The following ADAD1 variants were observed in gnomAD, a reference collection of about 807,000 sequenced individuals.
ADAD1 encodes the protein adenosine deaminase domain containing 1, also known as adenosine deaminase domain-containing protein 1.
In ADAD1, 46 loss-of-function variants were observed where a neutral mutation model predicts 66.8. That is an observed-to-expected ratio of 0.69 (90% CI 0.54 to 0.88). The LOEUF is 0.88. Ranked by LOEUF, ADAD1 falls within the 40% of genes least tolerant of loss-of-function variation. ADAD1 has a pLI of 0.00. For missense variants in ADAD1, 617 were observed against 681.8 expected (o/e 0.91, Z 1.06); for synonymous variants, 248 against 229.4 (o/e 1.08, Z -0.73).
rs753067759 is a variant in ADAD1, at chr4:122,412,671, T to C, written c.1111T>C (p.Tyr371His). ...AVEGKIYLTVYCPKDGVNRIS... is the reference protein window; with the variant it reads ...AVEGKIYLTVHCPKDGVNRIS... ...TGAAGGCAAAATTTATCTGACTGTT[T>C]ACTGTCCTAAAGATGGTGTTAATAG... The change falls in exon 10 of 13, where the codon TAC becomes CAC. Residue 371 changes from tyrosine (Y) to histidine (H), a missense_variant. Coordinates refer to ENST00000296513, the MANE Select transcript of ADAD1 (RefSeq NM_139243.4). 1.1e-5 allele frequency: 18 copies of C among 1,613,944 alleles called. No homozygotes were observed. In the South Asian group the frequency reaches 1.8e-4, roughly 16 times the overall value.
intron 12 of ADAD1, among the ~76,000 whole-genome samples, chr4:122,424,055 A>G (rs1330341200): frequency 6.6e-6 from 1 of 152,242 alleles, no homozygotes; most frequent in African/African-American, 2.4e-5. Flanking sequence ...AAAGGGCAGT[A>G]TAATGGCAGG....
At chr4:122,386,662 G>GT (rs1161449268) in intron 5 of ADAD1, among the ~76,000 whole-genome samples, 41 of 152,290 alleles carry the variant, frequency 2.7e-4, no homozygotes, top group African/African-American at 8.4e-4. Flanking sequence ...GGATTTTATG[G>GT]TTTTGGATTT....
At chr4:122,403,700 C>A (rs1796077825) in intron 7 of ADAD1, among the ~76,000 whole-genome samples, 1 of 152,094 alleles carries the variant, frequency 6.6e-6, no homozygotes, top group African/African-American at 2.4e-5. Context: ...CTACCTTAGC[C>A]AGGATAAGTA....
Position 122,380,984 on chromosome 4 carries a change from G to C in ADAD1, c.173-8G>C. 1.3e-6 allele frequency: 2 copies of C among 1,580,376 alleles called. No individual in the cohort carries two copies. The highest frequency in any genetic ancestry group is 1.7e-6 in the Non-Finnish European group (2 of 1,171,734). ...AACCAAATTGACAAGTATAACATTT[G>C]TTTTTAGGTAATTTTCCAGAGCCGT... On this transcript the variant is annotated splice_polypyrimidine_tract_variant and splice_region_variant and intron_variant, in intron 3 of 12. Coordinates refer to ENST00000296513, the MANE Select transcript of ADAD1 (RefSeq NM_139243.4).
chr4:122,381,876 ATG>A (rs985762322), intron 4 of ADAD1, among the ~76,000 whole-genome samples: 11 of 147,816 alleles, frequency 7.4e-5, no homozygotes, highest in African/African-American at 3.0e-4. Context: ...GTACACACAC[ATG>A]AGTAGTTAGG....
intron 5 of ADAD1, among the ~76,000 whole-genome samples, chr4:122,385,595 T>C (rs1370632500): frequency 6.6e-6 from 1 of 152,192 alleles, no homozygotes; most frequent in Admixed American, 6.5e-5. Flanking sequence ...TTTGTTTTTT[T>C]AAAGGATACG....
At chr4:122,401,690 A>G (rs1795989506) in intron 7 of ADAD1, among the ~76,000 whole-genome samples, 1 of 152,082 alleles carries the variant, frequency 6.6e-6, no homozygotes, top group African/African-American at 2.4e-5. Context: ...TTAAGTGCAT[A>G]TATATTTAGG....
chr4:122,411,399 A>G lies in ADAD1; in HGVS notation c.1019+7A>G, dbSNP rs1316577424. 1 of 1,599,258 alleles carries G rather than the reference A, an allele frequency of 6.3e-7. No homozygotes were observed. The highest frequency in any genetic ancestry group is 8.5e-7 in the Non-Finnish European group (1 of 1,175,910). On this transcript the variant is annotated splice_region_variant and intron_variant, in intron 9 of 12. Transcript: ENST00000296513. ...CCCAGATTAAGTCACAGTTGTAAGT[A>G]TTATAGAAGTTGTTTTTAAAAGCAA...
rs762925404 is a variant in ADAD1 at position 122,397,401 on chromosome 4, A to AT, written c.724+1030dup. On this transcript the variant is annotated intron_variant, in intron 7 of 12. Coordinates refer to ENST00000296513, the MANE Select transcript of ADAD1 (RefSeq NM_139243.4). Reference sequence around the variant, plus strand: ...ATATACTTAACGTCTCTATGCTTTAATTTTTTCTCATTTCTTAAAAGTAGA... The same window carrying AT: ...ATATACTTAACGTCTCTATGCTTTAATTTTTTTCTCATTTCTTAAAAGTAGA... 1.3e-4 allele frequency among the ~76,000 whole-genome samples: 20 copies of AT among 152,270 alleles called. No individual in the cohort carries two copies. The East Asian group carries it at 3.7e-3, about 28-fold the overall frequency.
Position 122,396,388 on chromosome 4 carries a change from A to C in ADAD1, c.724+11A>C, listed in dbSNP as rs760252385. 6.4e-7 allele frequency: 1 copy of C among 1,559,002 alleles called. No individual in the cohort carries two copies. Among genetic ancestry groups the C allele is most frequent in the East Asian group, 2.3e-5 (1 of 43,300 alleles). On this transcript the variant is annotated intron_variant, in intron 7 of 12. Transcript: ENST00000296513. ...TTATAATTGAAAGAGGTAAGTCCAC[A>C]TATTTGGGAAAAACTAATATTGTAA...
chr4:122,407,127 A>G (rs145387951), intron 7 of ADAD1, among the ~76,000 whole-genome samples: 1 of 152,326 alleles, frequency 6.6e-6, no homozygotes, highest in Non-Finnish European at 1.5e-5. Context: ...CCAGCCTAAT[A>G]GTAAAAATCC....
intron 10 of ADAD1, among the ~76,000 whole-genome samples, chr4:122,414,187 G>A (rs1032451999): frequency 9.3e-5 from 13 of 140,240 alleles, no homozygotes; most frequent in East Asian, 2.2e-4. Flanking sequence ...AAGCATCTAC[G>A]TAAACAATTT....
In ADAD1 at chr4:122,421,601, G is replaced by A. The variant is rs186149301; in HGVS notation, c.1617+211G>A. Reference sequence around the variant, plus strand: ...CATTTAAAGTAGCCATTTTAGTATGGTATATACTTATTTTGACAGTGTAGG... The same window carrying A: ...CATTTAAAGTAGCCATTTTAGTATGATATATACTTATTTTGACAGTGTAGG... On this transcript the variant is annotated intron_variant, in intron 12 of 12. Coordinates refer to ENST00000296513, the MANE Select transcript of ADAD1 (RefSeq NM_139243.4). Among the ~76,000 whole-genome samples the A allele has an allele frequency of 2.4e-4, 36 of 152,112 alleles. No individual in the cohort carries two copies. The East Asian group carries it at 6.8e-3, about 29-fold the overall frequency.
chr4:122,415,339 T>C, intron 10 of ADAD1, 40 bp from the exon 11 acceptor site: 1 of 1,472,250 alleles, frequency 6.8e-7, no homozygotes, highest in South Asian at 1.2e-5. Context: ...TGGGATGTTC[T>C]TTTAATATTG....
At chr4:122,386,217 T>A (rs1043850788) in intron 5 of ADAD1, among the ~76,000 whole-genome samples, 2 of 152,196 alleles carry the variant, frequency 1.3e-5, no homozygotes, top group Admixed American at 6.5e-5. Flanking sequence ...GTTTCCTGAC[T>A]TTTTAGTAAT....
intron 3 of ADAD1, 139 bp downstream of exon 3, chr4:122,380,380 C>T: frequency 9.8e-7 from 1 of 1,017,736 alleles, no homozygotes; most frequent in Non-Finnish European, 1.4e-6. Context: ...GAGCTGGCAT[C>T]TGACTCAACA....
intron 7 of ADAD1, among the ~76,000 whole-genome samples, chr4:122,399,974 T>C (rs1795896897): frequency 6.6e-6 from 1 of 152,058 alleles, no homozygotes; most frequent in Admixed American, 6.6e-5. Context: ...CCCTCTTTAC[T>C]GATGTGGACG....
chr4:122,403,831 C>T (rs570839757), intron 7 of ADAD1, among the ~76,000 whole-genome samples: 2 of 152,232 alleles, frequency 1.3e-5, no homozygotes, highest in African/African-American at 4.8e-5. Context: ...GGTCTGAGCT[C>T]AGACTCTTCT....
chr4:122,395,233 T>A (rs570106982), intron 6 of ADAD1, among the ~76,000 whole-genome samples: 1 of 152,056 alleles, frequency 6.6e-6, no homozygotes, highest in African/African-American at 2.4e-5. Context: ...GCATTTTTAG[T>A]AGAGACAGGG....
Sources: allele counts gnomAD v4.1 joint callset (sites outside exome capture counted in the v4.1 genomes callset), GRCh38; gene constraint gnomAD v4.1.1; transcripts MANE v1.5; gene names NCBI Gene and HGNC (gene_info 2026-07-23, HGNC 2026-07-21).